SLC4A5: variants seen among roughly 807,000 people sequenced by gnomAD.
The protein encoded by SLC4A5 is solute carrier family 4 member 5.
A neutral mutation model predicts 120.4 loss-of-function variants in SLC4A5; 96 were observed. The observed-to-expected ratio is 0.80, with a 90% CI of 0.68 to 0.94. The LOEUF is 0.94. Among genes scored for constraint, SLC4A5 ranks in the 40% least tolerant of loss-of-function variants. The pLI, the probability that SLC4A5 is intolerant of heterozygous loss-of-function variation, is 0.00. For missense variants in SLC4A5, 1,259 were observed against 1,459.5 expected (o/e 0.86, Z 2.24); for synonymous variants, 550 against 571.1 (o/e 0.96, Z 0.53).
chr2:74,247,659 C>A (rs7558160), intron 18 of SLC4A5, among the ~76,000 whole-genome samples: 2,875 of 152,058 alleles, frequency 0.019, 87 homozygotes, highest in African/African-American at 0.066. Context: ...GGATTACAGG[C>A]ACCCGCCGCC....
chr2:74,310,783 T>C (rs1672781575), intron 6 of SLC4A5, among the ~76,000 whole-genome samples: 2 of 152,156 alleles, frequency 1.3e-5, no homozygotes. Context: ...TGCCTTTATC[T>C]CATTTTGTAT....
intron 20 of SLC4A5, 21 bp downstream of exon 20, chr2:74,241,973 A>G: frequency 6.3e-7 from 1 of 1,596,046 alleles, no homozygotes; most frequent in Non-Finnish European, 8.6e-7. Flanking sequence ...CAAATGTCTA[A>G]CATAAGAGGA....
At chr2:74,326,167 CT>C (rs896756229) in intron 5 of SLC4A5, among the ~76,000 whole-genome samples, 2 of 152,178 alleles carry the variant, frequency 1.3e-5, no homozygotes, top group African/African-American at 4.8e-5. Context: ...TAAAAACCCT[CT>C]TTTCTCTTCA....
In SLC4A5 at chr2:74,237,669, T is replaced by C. The variant is rs551893034; in HGVS notation, c.2319+1666A>G. 8.3e-4 allele frequency among the ~76,000 whole-genome samples: 126 copies of C among 152,326 alleles called. 1 individual carries two copies. Among genetic ancestry groups the C allele is most frequent in the Non-Finnish European group, 1.1e-3 (77 of 68,032 alleles). On this transcript the variant is annotated intron_variant, in intron 21 of 30. Transcript: ENST00000394019. ...TAAGATGGCTTTAGGAGACTGCTAA[T>C]GGAGTTTACGGTGGGAAAGAGTTGC...
At chr2:74,335,013 G>C (rs13387588) in intron 3 of SLC4A5, among the ~76,000 whole-genome samples, 31,711 of 152,010 alleles carry the variant, frequency 0.21, 4,697 homozygotes, top group East Asian at 0.47. Context: ...CTGTTCTCCC[G>C]TCTTGCCTGC....
chr2:74,309,443 GAAGTT>G (rs1672741477), intron 6 of SLC4A5, among the ~76,000 whole-genome samples: 1 of 152,108 alleles, frequency 6.6e-6, no homozygotes, highest in Non-Finnish European at 1.5e-5. Flanking sequence ...AGTAAGTCTT[GAAGTT>G]GAGTAGTGTC....
intron 5 of SLC4A5, among the ~76,000 whole-genome samples, chr2:74,322,097 G>T (rs1217074929): frequency 2.0e-5 from 3 of 151,912 alleles, no homozygotes; most frequent in Admixed American, 6.6e-5. Context: ...AAAGGCACAG[G>T]CTAAGAACAA....
At chr2:74,306,443 G>A (rs1224533374) in intron 6 of SLC4A5, among the ~76,000 whole-genome samples, 4 of 152,106 alleles carry the variant, frequency 2.6e-5, no homozygotes, top group Non-Finnish European at 5.9e-5. Context: ...AAGAGAGAGC[G>A]CTTCTGACCC....
At chr2:74,333,614 C>T (rs993375560) in intron 4 of SLC4A5, among the ~76,000 whole-genome samples, 2 of 152,106 alleles carry the variant, frequency 1.3e-5, no homozygotes, top group African/African-American at 4.8e-5. Context: ...TTGCATAGGT[C>T]ACATTTTATG....
intron 6 of SLC4A5, among the ~76,000 whole-genome samples, chr2:74,309,419 T>A (rs958744085): frequency 6.6e-6 from 1 of 152,214 alleles, no homozygotes; most frequent in South Asian, 2.1e-4. Context: ...CACACTTGAT[T>A]GTAGTAGCTT....
intron 5 of SLC4A5, 43 bp downstream of exon 5, chr2:74,328,077 T>C: frequency 2.1e-6 from 2 of 962,710 alleles, no homozygotes; most frequent in Non-Finnish European, 2.5e-6. Flanking sequence ...CTTATCTGCA[T>C]AGCTCTGTCT....
rs368267020 is a variant in SLC4A5 at position 74,248,322 on chromosome 2, C to T, written c.1787+31G>A. 12 of 1,610,720 alleles carry T rather than the reference C, an allele frequency of 7.5e-6. No individual in the cohort carries two copies. In the African/African-American group the frequency reaches 1.3e-4, roughly 18 times the overall value. ...CAGCATACTGCCCCAAATGCGAGAG[C>T]AGGCACTGGGGGCCACCAAGGGACA... On this transcript the variant is annotated intron_variant, in intron 18 of 30. Coordinates refer to ENST00000394019, the Ensembl canonical transcript of SLC4A5.
At chr2:74,301,322 T>C (rs759158336) in intron 7 of SLC4A5, among the ~76,000 whole-genome samples, 2 of 152,206 alleles carry the variant, frequency 1.3e-5, no homozygotes, top group Non-Finnish European at 2.9e-5. Flanking sequence ...CATTATTCTG[T>C]AAGGCAGGAA....
intron 19 of SLC4A5, among the ~76,000 whole-genome samples, chr2:74,244,677 G>A (rs967759460): frequency 6.6e-6 from 1 of 151,984 alleles, no homozygotes; most frequent in African/African-American, 2.4e-5. Flanking sequence ...AAACTCCTGG[G>A]CTCAAGTGAA....
chr2:74,253,607 A>G (rs1440271360), intron 14 of SLC4A5, among the ~76,000 whole-genome samples: 3 of 145,454 alleles, frequency 2.1e-5, no homozygotes, highest in African/African-American at 7.6e-5. Flanking sequence ...CCATTTAGGC[A>G]AAAAAAAAAA....
intron 27 of SLC4A5, 104 bp downstream of exon 27, chr2:74,226,853 G>T: frequency 7.3e-7 from 1 of 1,370,002 alleles, no homozygotes; most frequent in Non-Finnish European, 1.0e-6. Flanking sequence ...CCAGGCCACA[G>T]CTGACAGGAA....
intron 7 of SLC4A5, among the ~76,000 whole-genome samples, chr2:74,300,894 C>T (rs867012174): frequency 1.3e-5 from 2 of 152,174 alleles, no homozygotes; most frequent in Admixed American, 1.3e-4. Context: ...GAATGAGGAC[C>T]AGCAGTTACT....
At chr2:74,312,114 T>C (rs549897429) in intron 6 of SLC4A5, among the ~76,000 whole-genome samples, 2 of 152,338 alleles carry the variant, frequency 1.3e-5, no homozygotes, top group South Asian at 4.1e-4. Context: ...TGTCTGAAAT[T>C]AAGATACCTA....
chr2:74,220,986 C>T (rs186260384), intron 30 of SLC4A5, among the ~76,000 whole-genome samples: 1 of 149,424 alleles, frequency 6.7e-6, no homozygotes, highest in East Asian at 2.0e-4. Context: ...GACTACAGGC[C>T]CCCACCACCA....
Sources: gnomAD v4.1 joint callset for allele counts (sites outside exome capture counted in the v4.1 genomes callset) on GRCh38, gnomAD v4.1.1 for gene constraint, MANE v1.5 for transcripts, NCBI Gene and HGNC (gene_info 2026-07-23, HGNC 2026-07-21) for gene names.